The following TPM1 variants were observed in gnomAD, a reference collection of about 807,000 sequenced individuals.
TPM1 encodes tropomyosin alpha-1 chain.
Under a neutral mutation model 42.9 loss-of-function variants are expected in TPM1, and 24 were observed. That is an observed-to-expected ratio of 0.56 (90% confidence interval 0.41 to 0.79). The LOEUF (loss-of-function observed/expected upper bound fraction) is 0.79. Ranked by LOEUF, TPM1 falls within the 30% of genes least tolerant of loss-of-function variation. The pLI is 0.00. For missense variants in TPM1, 158 were observed against 351.8 expected (o/e 0.45, Z 4.41); for synonymous variants, 136 against 130.1 (o/e 1.05, Z -0.31).
chr15:63,050,470 T>C (rs1394281209), intron 2 of TPM1, among the ~76,000 whole-genome samples: 1 of 152,224 alleles, frequency 6.6e-6, no homozygotes, highest in African/African-American at 2.4e-5. Context: ...TGATTGATGT[T>C]AGACACAAAA....
intron 3 of TPM1, among the ~76,000 whole-genome samples, chr15:63,059,101 G>A (rs902282620): frequency 6.6e-5 from 10 of 152,166 alleles, no homozygotes; most frequent in African/African-American, 2.4e-4. Context: ...TTTGTTTATG[G>A]GTGGCAGGGT....
intron 2 of TPM1, chr15:63,047,890 G>T (rs1596314923): frequency 8.7e-6 from 2 of 229,060 alleles, no homozygotes; most frequent in East Asian, 1.7e-4. Context: ...AAGTCACGCA[G>T]CAGGAAACTA....
chr15:63,057,017 C>T lies in TPM1; in HGVS notation c.273C>T (p.Arg91=), dbSNP rs1400074860. The change falls in exon 3 of 10, where the codon CGC becomes CGT. Residue 91 remains arginine (R), a synonymous_variant. Transcript: ENST00000403994. The part of the protein sequence containing the change: ...AEADVASLNR[R]IQLVEEELDR... Reference sequence around the variant, plus strand: ...CCGACGTAGCTTCTCTGAACAGACGCATCCAGCTGGTTGAGGAAGAGTTGG... The same window carrying T: ...CCGACGTAGCTTCTCTGAACAGACGTATCCAGCTGGTTGAGGAAGAGTTGG... 16 of 1,614,128 alleles carry T rather than the reference C, an allele frequency of 9.9e-6. No homozygotes were observed. The highest frequency in any genetic ancestry group is 1.3e-5 in the Non-Finnish European group (15 of 1,180,056).
chr15:63,048,674 C>G (rs1271493773), intron 2 of TPM1: 2 of 1,539,360 alleles, frequency 1.3e-6, no homozygotes, highest in Non-Finnish European at 8.7e-7. Flanking sequence ...CCCTGCAGCG[C>G]GAGCTGGACC....
At chr15:63,053,152 C>A (rs1487359563) in intron 2 of TPM1, among the ~76,000 whole-genome samples, 2 of 152,158 alleles carry the variant, frequency 1.3e-5, no homozygotes, top group Non-Finnish European at 2.9e-5. Flanking sequence ...TTCCTATTAC[C>A]CATTAGCATT....
At chr15:63,046,158 C>CTGAA (rs1266404799) in intron 2 of TPM1, 3 of 152,176 alleles carry the variant, frequency 2.0e-5, no homozygotes, top group African/African-American at 7.2e-5. Flanking sequence ...TGTTACTGTA[C>CTGAA]TGAATACTGT....
chr15:63,043,580 C>A, intron 1 of TPM1: 4 of 1,427,012 alleles, frequency 2.8e-6, no homozygotes, highest in Non-Finnish European at 1.9e-6. Flanking sequence ...TACCTCGGGT[C>A]CTTTGCACTC....
chr15:63,061,039 C>T (rs113512374), intron 5 of TPM1, 100 bp downstream of exon 5: 97 of 1,524,232 alleles, frequency 6.4e-5, no homozygotes, highest in African/African-American at 2.6e-4. Flanking sequence ...GTTTCAGCTC[C>T]GGGCTCCTTT....
intron 2 of TPM1, among the ~76,000 whole-genome samples, chr15:63,052,344 A>G (rs1480078444): frequency 6.6e-6 from 1 of 152,132 alleles, no homozygotes; most frequent in Non-Finnish European, 1.5e-5. Flanking sequence ...CCAACATGGC[A>G]AAATCCCATC....
intron 2 of TPM1, among the ~76,000 whole-genome samples, chr15:63,055,027 T>TAA (rs5813193): frequency 0.12 from 17,215 of 147,914 alleles, 1,190 homozygotes; most frequent in Admixed American, 0.23. Context: ...GTAATAGTAA[T>TAA]AAAAAAAAAA....
downstream of TPM1, among the ~76,000 whole-genome samples, chr15:63,069,077 C>T (rs1412942213): frequency 1.3e-5 from 2 of 152,098 alleles, no homozygotes; most frequent in African/African-American, 2.4e-5. Flanking sequence ...GGCATGAACC[C>T]GGGAGGTGGA....
At chr15:63,059,484 C>G (rs1021739585) in intron 3 of TPM1, 79 bp from the exon 4 acceptor site, 1 of 1,168,904 alleles carries the variant, frequency 8.6e-7, no homozygotes, top group South Asian at 1.2e-5. Flanking sequence ...CACTAAGCCT[C>G]ACAAGCCACA....
At chr15:63,059,960 G>A (rs1216198840) in intron 4 of TPM1, 3 of 357,740 alleles carry the variant, frequency 8.4e-6, no homozygotes, top group Non-Finnish European at 1.6e-5. Flanking sequence ...ATCTTTGGCC[G>A]GAAGGGAGAG....
intron 2 of TPM1, among the ~76,000 whole-genome samples, chr15:63,052,674 G>A (rs1268642243): frequency 6.6e-6 from 1 of 152,016 alleles, no homozygotes; most frequent in Non-Finnish European, 1.5e-5. Context: ...ATGTGTCTAT[G>A]GGCTTGTACC....
chr15:63,061,322 T>C, intron 5 of TPM1: 1 of 1,583,352 alleles, frequency 6.3e-7, no homozygotes, highest in Non-Finnish European at 8.7e-7. Context: ...CCCAGACATC[T>C]TTCAGCTTCC....
At chr15:63,048,432 C>T (rs995979260) in intron 2 of TPM1, 2 of 1,351,286 alleles carry the variant, frequency 1.5e-6, no homozygotes, top group South Asian at 1.8e-5. Flanking sequence ...TGCTCCTGGC[C>T]GCAGGGGGCG....
intron 2 of TPM1, chr15:63,045,656 G>A (rs1342744247): frequency 3.9e-5 from 6 of 152,184 alleles, no homozygotes; most frequent in East Asian, 1.9e-4. Flanking sequence ...GGAGAAAAAG[G>A]TTACTACAAT....
At chr15:63,062,168 T>A (rs2035723366) in intron 6 of TPM1, 47 bp from the exon 7 acceptor site, 4 of 1,558,134 alleles carry the variant, frequency 2.6e-6, no homozygotes, top group Non-Finnish European at 3.5e-6. Flanking sequence ...AAGCCATGAG[T>A]AGATTGAGCT....
chr15:63,069,964 G>A, downstream of TPM1: 1 of 1,613,810 alleles, frequency 6.2e-7, no homozygotes, highest in Non-Finnish European at 8.5e-7. Flanking sequence ...GAAAAAACTT[G>A]GGCTGAATTC....
Sources: gnomAD v4.1 joint callset for allele counts (sites outside exome capture counted in the v4.1 genomes callset) on GRCh38, gnomAD v4.1.1 for gene constraint, MANE v1.5 for transcripts, NCBI Gene and HGNC (gene_info 2026-07-23, HGNC 2026-07-21) for gene names.